TPM3: variants seen among roughly 807,000 people sequenced by gnomAD.
TPM3 encodes tropomyosin alpha-3 chain.
TPM3 carries 16 observed loss-of-function variants against 43.1 expected under a neutral mutation model. The ratio of observed to expected loss-of-function variants is 0.37; its 90% confidence interval spans 0.25 to 0.56. The LOEUF (loss-of-function observed/expected upper bound fraction) is 0.56. TPM3 is among the 20% of genes least tolerant of loss of function. TPM3 has a pLI of 0.77. For synonymous variants in TPM3, 101 were observed against 116.9 expected (o/e 0.86, Z 0.88); for missense variants, 176 against 337.2 (o/e 0.52, Z 3.74).
chr1:154,178,227 G>C lies in TPM3; in HGVS notation c.244-1979C>G, dbSNP rs1047379975. 4.1e-6 allele frequency: 4 copies of C among 982,964 alleles called. No individual in the cohort carries two copies. In the African/African-American group the frequency reaches 7.0e-5, roughly 17 times the overall value. The allele number at this position is 982,964 out of a possible 1,614,324, so 60.9% of individuals were successfully genotyped here. Reference sequence around the variant, plus strand: ...AGTAGAAGATAACAGGCTATGGGGCGGGGGTGTACAGTTGCCATGACAGCA... The same window carrying C: ...AGTAGAAGATAACAGGCTATGGGGCCGGGGTGTACAGTTGCCATGACAGCA... On this transcript the variant is annotated intron_variant, in intron 2 of 9. Transcript: ENST00000651641.
In TPM3 at chr1:154,162,083, C is replaced by T. The variant is rs957720838; in HGVS notation, c.*5854G>A. On this transcript the variant is annotated 3_prime_UTR_variant, in exon 10 of 10. Transcript: ENST00000651641. ...TCAGCTATATCTAATTAAGAAACAA[C>T]CCCATGGCCAGGTGCAGTGGCTCAA... is the stretch of plus-strand genomic sequence containing the variant. Among the ~76,000 whole-genome samples, 2 of 151,996 alleles carry T rather than the reference C, an allele frequency of 1.3e-5. No homozygotes were observed.
intron 2 of TPM3, among the ~76,000 whole-genome samples, chr1:154,176,886 G>C (rs1301575176): frequency 6.7e-6 from 1 of 148,920 alleles, no homozygotes; most frequent in Non-Finnish European, 1.5e-5. Context: ...GGCTGAGGCA[G>C]AAGAATCCCT....
chr1:154,172,109 T>C lies in TPM3; in HGVS notation c.567-621A>G, dbSNP rs1486003662. ...TCATCCATCTCTCGGCAACGGCTGT[T>C]AGTGATAGTCACGGGGATGGCACAA... On this transcript the variant is annotated intron_variant, in intron 5 of 9. Transcript: ENST00000651641. 3 of 1,614,020 alleles carry C rather than the reference T, an allele frequency of 1.9e-6. No individual in the cohort carries two copies. The African/African-American group carries it at 4.0e-5, about 22-fold the overall frequency.
At chr1:154,183,168 C>G in intron 2 of TPM3, 3 of 1,596,852 alleles carry the variant, frequency 1.9e-6, no homozygotes, top group South Asian at 1.1e-5. Flanking sequence ...CTCCTCCGCT[C>G]GGCGTTGCAG....
intron 2 of TPM3, among the ~76,000 whole-genome samples, chr1:154,188,559 C>T (rs907376820): frequency 6.6e-6 from 1 of 150,418 alleles, no homozygotes; most frequent in African/African-American, 2.5e-5. Context: ...CCTGTAGTCC[C>T]AGCTACTCAG....
rs1351923115 is a variant in TPM3, at chr1:154,167,093, T to G, written c.*844A>C. ...TAAATCATTAGCCTCATATGCACAT[T>G]ATTTGAAATATGCATGATTGGTCAT... On this transcript the variant is annotated 3_prime_UTR_variant, in exon 10 of 10. Transcript: ENST00000651641. 6.6e-6 allele frequency among the ~76,000 whole-genome samples: 1 copy of G among 152,226 alleles called. No individual in the cohort carries two copies. Among genetic ancestry groups the G allele is most frequent in the Non-Finnish European group, 1.5e-5 (1 of 68,034 alleles).
At chr1:154,189,020 T>C (rs1663545693) in intron 2 of TPM3, among the ~76,000 whole-genome samples, 1 of 150,912 alleles carries the variant, frequency 6.6e-6, no homozygotes, top group Admixed American at 6.6e-5. Context: ...TAATCCCAGC[T>C]ACTCAGGAGA....
chr1:154,172,080 C>T, intron 5 of TPM3: 1 of 1,614,188 alleles, frequency 6.2e-7, no homozygotes, highest in South Asian at 1.1e-5. Flanking sequence ...TCAGTCTAAT[C>T]TGCTCATCCA....
chr1:154,169,902 G>A (rs564169195), intron 8 of TPM3: 22 of 239,310 alleles, frequency 9.2e-5, no homozygotes, highest in Non-Finnish European at 1.6e-4. Flanking sequence ...CAGGGTGGAT[G>A]GCAGTTACCA....
rs1661122307 is a variant in TPM3, at chr1:154,167,647, G to T, written c.*290C>A. The T allele has an allele frequency of 2.3e-6, 3 of 1,297,620 alleles. No individual in the cohort carries two copies. The highest frequency in any genetic ancestry group is 3.0e-5 in the African/African-American group (2 of 67,606). The allele number at this position is 1,297,620 out of a possible 1,614,324, so 80.4% of individuals were successfully genotyped here. On this transcript the variant is annotated 3_prime_UTR_variant, in exon 10 of 10. Transcript: ENST00000651641. Reference sequence around the variant, plus strand: ...GCTTTGATTACATAAGTCAGAGGAGGGGGAGCCTACAATAGCTCTTCCCCA... The same window carrying T: ...GCTTTGATTACATAAGTCAGAGGAGTGGGAGCCTACAATAGCTCTTCCCCA...
chr1:154,163,624 C>T lies in TPM3; in HGVS notation c.*4313G>A, dbSNP rs916077660. ...CCATTTGGTTCCTCCTCTTACATAA[C>T]GTTTTCCTCATTGTTTAATTTTTTT... is the stretch of plus-strand genomic sequence containing the variant. On this transcript the variant is annotated 3_prime_UTR_variant, in exon 10 of 10. Transcript: ENST00000651641. Among the ~76,000 whole-genome samples, 2 of 151,894 alleles carry T rather than the reference C, an allele frequency of 1.3e-5. No homozygotes were observed. The highest frequency in any genetic ancestry group is 6.6e-5 in the Admixed American group (1 of 15,210).
At chr1:154,191,398 A>C (rs1571455831) in intron 1 of TPM3, 87 bp from the exon 2 acceptor site, 1 of 1,598,096 alleles carries the variant, frequency 6.3e-7, no homozygotes, top group South Asian at 1.1e-5. Context: ...CCTGAGTGTA[A>C]CCTCCATGTT....
At position 154,166,183 on chromosome 1, in the gene TPM3, A is replaced by G. The variant is rs1660936918; in HGVS notation, c.*1754T>C. On this transcript the variant is annotated 3_prime_UTR_variant, in exon 10 of 10. Coordinates refer to ENST00000651641, the MANE Select transcript of TPM3 (RefSeq NM_152263.4). ...TGAATTTGATATGACTTAAAGTTTT[A>G]GATTAAGGAAAACTTCCCTACCTGA... 4.4e-6 allele frequency: 1 copy of G among 227,812 alleles called. No homozygotes were observed. Among genetic ancestry groups the G allele is most frequent in the Non-Finnish European group, 8.7e-6 (1 of 114,678 alleles). The allele number at this position is 227,812 out of a possible 1,614,324, so 14.1% of individuals were successfully genotyped here.
rs577391118 is a variant in TPM3, at chr1:154,169,650, A to G, written c.776-267T>C. On this transcript the variant is annotated intron_variant, in intron 8 of 9. Coordinates refer to ENST00000651641, the MANE Select transcript of TPM3 (RefSeq NM_152263.4). ...GTCATAACTAGAAATTCCTATTACC[A>G]AAAGCACTCAAGAGGATACCACTCC... 4 of 557,804 alleles carry G rather than the reference A, an allele frequency of 7.2e-6. No individual in the cohort carries two copies. In the South Asian group the frequency reaches 8.3e-5, roughly 12 times the overall value. The allele number at this position is 557,804 out of a possible 1,614,324, so 34.6% of individuals were successfully genotyped here. A position where few individuals can be genotyped will look rare whatever the true frequency, so the allele number is the denominator to read the frequency against.
intron 2 of TPM3, among the ~76,000 whole-genome samples, chr1:154,189,479 C>T (rs1363330375): frequency 6.7e-6 from 1 of 149,404 alleles, no homozygotes; most frequent in East Asian, 2.0e-4. Context: ...CAGAGCGAGA[C>T]TCCATCTCAA....
intron 2 of TPM3, among the ~76,000 whole-genome samples, chr1:154,190,847 G>T (rs905654858): frequency 2.0e-5 from 3 of 152,180 alleles, no homozygotes; most frequent in South Asian, 2.1e-4. Context: ...AATGTGGCAT[G>T]GGGGAGGAGG....
chr1:154,179,093 T>C (rs1423803668), intron 2 of TPM3, among the ~76,000 whole-genome samples: 2 of 152,228 alleles, frequency 1.3e-5, no homozygotes, highest in African/African-American at 4.8e-5. Context: ...TCTTATTAGA[T>C]AAAAGCCACA....
intron 2 of TPM3, among the ~76,000 whole-genome samples, chr1:154,179,937 A>T (rs527506426): frequency 6.6e-6 from 1 of 152,338 alleles, no homozygotes; most frequent in South Asian, 2.1e-4. Flanking sequence ...GAGAGTTATT[A>T]AAAACAGATA....
chr1:154,184,751 A>G (rs1663325686), intron 2 of TPM3, among the ~76,000 whole-genome samples: 1 of 151,528 alleles, frequency 6.6e-6, no homozygotes, highest in African/African-American at 2.4e-5. Context: ...CGTCTCTACA[A>G]ACAATTAAAA....
Sources: gnomAD v4.1 joint callset for allele counts (sites outside exome capture counted in the v4.1 genomes callset) on GRCh38, gnomAD v4.1.1 for gene constraint, MANE v1.5 for transcripts, NCBI Gene and HGNC (gene_info 2026-07-23, HGNC 2026-07-21) for gene names.